CYSTM1: variants seen among roughly 807,000 people sequenced by gnomAD.
The protein encoded by CYSTM1 is cysteine rich transmembrane module containing 1.
CYSTM1 carries 4 observed loss-of-function variants against 13.1 expected under a neutral mutation model. That is an observed-to-expected ratio of 0.31 (90% CI 0.15 to 0.70). The LOEUF (loss-of-function observed/expected upper bound fraction) is 0.70, where lower values mean the gene tolerates loss of function less well. Ranked by LOEUF, CYSTM1 falls within the 30% of genes least tolerant of loss-of-function variation. The pLI is 0.72. For synonymous variants in CYSTM1, 36 were observed against 42.7 expected (o/e 0.84, Z 0.62); for missense variants, 96 against 121.6 (o/e 0.79, Z 0.99).
chr5:140,243,211 TG>T, intron 2 of CYSTM1, 93 bp from the exon 3 acceptor site: 1 of 953,654 alleles, frequency 1.0e-6, no homozygotes, highest in Non-Finnish European at 1.7e-6. Context: ...AGTTTTCCCC[TG>T]GTGTAGCCTT....
intron 2 of CYSTM1, among the ~76,000 whole-genome samples, chr5:140,199,154 G>A (rs1385880887): frequency 6.6e-6 from 1 of 152,166 alleles, no homozygotes. Context: ...TTTTATGGCT[G>A]CATAGTATTC....
intron 2 of CYSTM1, among the ~76,000 whole-genome samples, chr5:140,198,372 T>C (rs1764180422): frequency 6.6e-6 from 1 of 152,256 alleles, no homozygotes; most frequent in Non-Finnish European, 1.5e-5. Context: ...GGGGTCACTC[T>C]TGTTACTTAA....
At chr5:140,198,443 G>T (rs747476336) in intron 2 of CYSTM1, among the ~76,000 whole-genome samples, 1 of 152,184 alleles carries the variant, frequency 6.6e-6, no homozygotes, top group Non-Finnish European at 1.5e-5. Flanking sequence ...CATGAGTAGG[G>T]TCTTGGTTTG....
At chr5:140,179,382 A>G (rs887463343) in intron 1 of CYSTM1, among the ~76,000 whole-genome samples, 6 of 151,940 alleles carry the variant, frequency 3.9e-5, no homozygotes, top group Non-Finnish European at 5.9e-5. Flanking sequence ...AACATGGCGA[A>G]ACCCTGTCTC....
chr5:140,200,490 C>CT (rs1022906466), intron 2 of CYSTM1: 1 of 150,422 alleles, frequency 6.6e-6, no homozygotes, highest in Admixed American at 6.6e-5. Context: ...ATACAGAACA[C>CT]TTTCATCACC....
At chr5:140,193,188 G>A (rs1487574194) in intron 1 of CYSTM1, among the ~76,000 whole-genome samples, 1 of 152,176 alleles carries the variant, frequency 6.6e-6, no homozygotes, top group East Asian at 1.9e-4. Context: ...GTAAGATATG[G>A]GTAACAGTAC....
chr5:140,223,393 A>G (rs1365453375), intron 2 of CYSTM1, among the ~76,000 whole-genome samples: 2 of 152,246 alleles, frequency 1.3e-5, no homozygotes, highest in Non-Finnish European at 2.9e-5. Context: ...TGTAGACACC[A>G]CTGTCAACCC....
chr5:140,179,993 A>G (rs1763944963), intron 1 of CYSTM1, among the ~76,000 whole-genome samples: 1 of 152,026 alleles, frequency 6.6e-6, no homozygotes, highest in African/African-American at 2.4e-5. Flanking sequence ...TTCTCTGTTA[A>G]CCTGGTCTTG....
chr5:140,192,847 G>C (rs1361351505), intron 1 of CYSTM1, among the ~76,000 whole-genome samples: 7 of 152,152 alleles, frequency 4.6e-5, no homozygotes, highest in Admixed American at 4.6e-4. Context: ...CCCTGGAGCT[G>C]GATGGGATGA....
intron 2 of CYSTM1, chr5:140,203,029 C>T (rs776467839): frequency 6.6e-6 from 1 of 152,060 alleles, no homozygotes; most frequent in Non-Finnish European, 1.5e-5. Context: ...ATTGAAACAG[C>T]GTAGGGTTGG....
At chr5:140,187,102 G>A (rs1405822170) in intron 1 of CYSTM1, among the ~76,000 whole-genome samples, 2 of 151,934 alleles carry the variant, frequency 1.3e-5, no homozygotes, top group East Asian at 3.9e-4. Flanking sequence ...CTCCAGCCTG[G>A]GCGACAAAGT....
chr5:140,184,079 A>G (rs903831523), intron 1 of CYSTM1, among the ~76,000 whole-genome samples: 5 of 98,570 alleles, frequency 5.1e-5, no homozygotes, highest in Admixed American at 4.1e-4. Flanking sequence ...TAACATATGT[A>G]TAAAAAAGTA....
chr5:140,177,570 G>C (rs1249104219), intron 1 of CYSTM1, among the ~76,000 whole-genome samples: 1 of 152,186 alleles, frequency 6.6e-6, no homozygotes, highest in African/African-American at 2.4e-5. Context: ...CGTAAATATA[G>C]AAACCGGTGC....
chr5:140,199,915 GTCT>G (rs1187598646), intron 2 of CYSTM1, among the ~76,000 whole-genome samples: 3 of 152,214 alleles, frequency 2.0e-5, no homozygotes, highest in Admixed American at 2.0e-4. Flanking sequence ...ACGCATAAAT[GTCT>G]TCTTTTGAGA....
chr5:140,221,740 A>G (rs890224392), intron 2 of CYSTM1, among the ~76,000 whole-genome samples: 3 of 152,220 alleles, frequency 2.0e-5, no homozygotes, highest in Admixed American at 6.5e-5. Flanking sequence ...CACAAGGAGC[A>G]GGATGTCTTT....
At chr5:140,193,269 ATTGT>A (rs36159423) in intron 1 of CYSTM1, among the ~76,000 whole-genome samples, 77,956 of 150,990 alleles carry the variant, frequency 0.52, 20,308 homozygotes, top group East Asian at 0.55. Flanking sequence ...TTCCCCAGTA[ATTGT>A]TTGTTTGTTT....
intron 1 of CYSTM1, among the ~76,000 whole-genome samples, chr5:140,183,756 C>T (rs1763985838): frequency 6.6e-6 from 1 of 152,254 alleles, no homozygotes; most frequent in Non-Finnish European, 1.5e-5. Context: ...GGGAATACTG[C>T]ATCCAGGCAG....
intron 2 of CYSTM1, among the ~76,000 whole-genome samples, chr5:140,232,040 A>G (rs1276735354): frequency 6.6e-6 from 1 of 152,218 alleles, no homozygotes; most frequent in Non-Finnish European, 1.5e-5. Flanking sequence ...GATATTGGGA[A>G]GTAAAATCAA....
At chr5:140,217,047 T>G (rs1462719148) in intron 2 of CYSTM1, among the ~76,000 whole-genome samples, 1 of 152,164 alleles carries the variant, frequency 6.6e-6, no homozygotes, top group African/African-American at 2.4e-5. Context: ...GATTTTCAAT[T>G]GCATTTTCCT....
Sources: allele counts gnomAD v4.1 joint callset (sites outside exome capture counted in the v4.1 genomes callset), GRCh38; gene constraint gnomAD v4.1.1; transcripts MANE v1.5; gene names NCBI Gene and HGNC (gene_info 2026-07-23, HGNC 2026-07-21).